The following BORCS5 variants were observed in gnomAD, a reference collection of about 807,000 sequenced individuals.
BORCS5 encodes the protein BLOC-1-related complex subunit 5.
BORCS5 carries 17 observed loss-of-function variants against 22.1 expected under a neutral mutation model. The observed-to-expected ratio is 0.77, with a 90% CI of 0.53 to 1.15. The LOEUF is 1.15. Ranked by LOEUF, BORCS5 falls within the 50% of genes most tolerant of loss-of-function variation. The pLI is 0.00. For synonymous variants in BORCS5, 117 were observed against 99.8 expected (o/e 1.17, Z -1.03); for missense variants, 247 against 253.2 (o/e 0.98, Z 0.17).
Position 12,465,738 on chromosome 12 carries a change from CCCTTCAGCA to C in BORCS5, c.554_562del (p.Pro185_Met188delinsLeu). The stretch of plus-strand genomic sequence containing the variant: ...GCTGCCCGAGGGCGAGCGGCTGGAG[CCCTTCAGCA>C]TGAAGCCCGACCGCGAGCTCAGGCT... On this transcript the variant is annotated inframe_deletion, in exon 4 of 4. Transcript: ENST00000314565. The C allele has an allele frequency of 6.2e-7, 1 of 1,613,968 alleles. No homozygotes were observed. Among genetic ancestry groups the C allele is most frequent in the Non-Finnish European group, 8.5e-7 (1 of 1,180,014 alleles).
At chr12:12,398,866 A>C (rs1165971905) in intron 2 of BORCS5, among the ~76,000 whole-genome samples, 1 of 152,182 alleles carries the variant, frequency 6.6e-6, no homozygotes, top group Non-Finnish European at 1.5e-5. Flanking sequence ...AATTAGTTGG[A>C]GTTATCTGGC....
intron 2 of BORCS5, among the ~76,000 whole-genome samples, chr12:12,429,210 C>T (rs1446959575): frequency 2.6e-5 from 4 of 152,174 alleles, no homozygotes; most frequent in South Asian, 2.1e-4. Flanking sequence ...CAAAATTTAC[C>T]GTCTCTAAAT....
intron 1 of BORCS5, among the ~76,000 whole-genome samples, chr12:12,359,298 C>T (rs1216087092): frequency 1.3e-5 from 2 of 151,542 alleles, no homozygotes; most frequent in Admixed American, 6.6e-5. Context: ...TACTCAGGCC[C>T]AGGTGGGAGG....
chr12:12,408,247 G>A (rs575662640), intron 2 of BORCS5, among the ~76,000 whole-genome samples: 2 of 152,278 alleles, frequency 1.3e-5, no homozygotes, highest in African/African-American at 4.8e-5. Context: ...TGTGAATAAT[G>A]CTGCTGTGAA....
At chr12:12,458,645 C>A (rs1943042524) in intron 3 of BORCS5, among the ~76,000 whole-genome samples, 1 of 144,430 alleles carries the variant, frequency 6.9e-6, no homozygotes, top group Non-Finnish European at 1.5e-5. Context: ...GTGGTGCGAT[C>A]TTGACTCACT....
At chr12:12,434,258 G>A (rs752479928) in intron 2 of BORCS5, among the ~76,000 whole-genome samples, 1 of 142,968 alleles carries the variant, frequency 7.0e-6, no homozygotes, top group Admixed American at 7.2e-5. Flanking sequence ...ACTCCAGATG[G>A]GCAACAGAGC....
At chr12:12,378,221 A>C (rs1400360380) in intron 2 of BORCS5, among the ~76,000 whole-genome samples, 1 of 152,122 alleles carries the variant, frequency 6.6e-6, no homozygotes, top group Non-Finnish European at 1.5e-5. Flanking sequence ...AAAATACAAA[A>C]AGTAGCTAGG....
chr12:12,360,236 C>G (rs1006602753), intron 1 of BORCS5, among the ~76,000 whole-genome samples: 1 of 152,042 alleles, frequency 6.6e-6, no homozygotes, highest in Non-Finnish European at 1.5e-5. Flanking sequence ...GTGGTGCATG[C>G]CTGTTGTCCT....
At chr12:12,378,180 T>C (rs1863696711) in intron 2 of BORCS5, among the ~76,000 whole-genome samples, 1 of 152,206 alleles carries the variant, frequency 6.6e-6, no homozygotes, top group Non-Finnish European at 1.5e-5. Context: ...GAGACCAGCC[T>C]GGCCAGCAGG....
intron 2 of BORCS5, among the ~76,000 whole-genome samples, chr12:12,393,364 G>C (rs1412047643): frequency 6.6e-6 from 1 of 152,020 alleles, no homozygotes; most frequent in Non-Finnish European, 1.5e-5. Context: ...AGTAACCATT[G>C]CCAGGTGCCT....
intron 2 of BORCS5, among the ~76,000 whole-genome samples, chr12:12,410,276 G>A (rs1941697417): frequency 6.6e-6 from 1 of 152,164 alleles, no homozygotes; most frequent in Admixed American, 6.5e-5. Flanking sequence ...ATTGCTTTTG[G>A]TGTTTTTGAC....
rs575951607 is a variant in BORCS5 at position 12,416,120 on chromosome 12, C to A, written c.203-19508C>A. ...TATCTAATTTATTGCTGTACAATTACTCATAGTACCTTGTAAAGTCATTTT... is the reference window on the plus strand; with the variant it reads ...TATCTAATTTATTGCTGTACAATTAATCATAGTACCTTGTAAAGTCATTTT... On this transcript the variant is annotated intron_variant, in intron 2 of 3. Transcript: ENST00000314565. Among the ~76,000 whole-genome samples the A allele has an allele frequency of 1.1e-3, 166 of 152,252 alleles. 1 individual carries two copies. The highest frequency in any genetic ancestry group is 3.4e-3 in the African/African-American group (143 of 41,560).
chr12:12,413,654 G>A lies in BORCS5; in HGVS notation c.203-21974G>A, dbSNP rs1364748440. 4.6e-5 allele frequency among the ~76,000 whole-genome samples: 6 copies of A among 131,760 alleles called. 1 individual carries two copies. Among genetic ancestry groups the A allele is most frequent in the Non-Finnish European group, 8.1e-5 (5 of 61,540 alleles). The allele number at this position is 131,760 out of a possible 152,430, so 86.4% of individuals were successfully genotyped here. On this transcript the variant is annotated intron_variant, in intron 2 of 3. Coordinates refer to ENST00000314565, the MANE Select transcript of BORCS5 (RefSeq NM_058169.6). ...GGGCTCCTCACTTCCCAGTAGGGGC[G>A]GCCGGGCAGAAGCGCCCCTCACCTC...
intron 2 of BORCS5, among the ~76,000 whole-genome samples, chr12:12,386,467 T>TTA (rs398018451): frequency 2.5e-4 from 37 of 150,004 alleles, no homozygotes; most frequent in African/African-American, 9.1e-4. Flanking sequence ...TTTTTTTTTT[T>TTA]ATTTGTTCTA....
At chr12:12,367,184 A>C (rs987516704) in intron 2 of BORCS5, among the ~76,000 whole-genome samples, 1 of 152,252 alleles carries the variant, frequency 6.6e-6, no homozygotes, top group Admixed American at 6.5e-5. Flanking sequence ...GGAAGAATGA[A>C]GCAATGGAAA....
At chr12:12,459,854 T>C (rs1036355425) in intron 3 of BORCS5, among the ~76,000 whole-genome samples, 1 of 152,204 alleles carries the variant, frequency 6.6e-6, no homozygotes, top group Non-Finnish European at 1.5e-5. Flanking sequence ...CAATTAACAA[T>C]ATATTTTTAG....
intron 2 of BORCS5, among the ~76,000 whole-genome samples, chr12:12,372,982 A>G (rs940719799): frequency 5.3e-5 from 8 of 152,066 alleles, no homozygotes; most frequent in African/African-American, 1.9e-4. Flanking sequence ...TTTGATGTCC[A>G]TTCTGCTATG....
chr12:12,371,107 C>G, intron 2 of BORCS5, among the ~76,000 whole-genome samples: 1 of 152,058 alleles, frequency 6.6e-6, no homozygotes, highest in East Asian at 1.9e-4. Flanking sequence ...TTTTCTGGCA[C>G]AATATAATGT....
rs920138447 is a variant in BORCS5, at chr12:12,357,173, C to A, written c.-279C>A. ...GCAGGTGCGGCAAAGCCAGTGTCAT[C>A]TGCCGGTTCTCTTAGGGCTCCCGGA... is the stretch of plus-strand genomic sequence containing the variant. On this transcript the variant is annotated 5_prime_UTR_variant, in exon 1 of 4. It adds an upstream start codon to the 5' untranslated region. Coordinates refer to ENST00000314565, the MANE Select transcript of BORCS5 (RefSeq NM_058169.6). The A allele has an allele frequency of 9.8e-6, 15 of 1,527,492 alleles. No homozygotes were observed. The highest frequency in any genetic ancestry group is 1.3e-5 in the Non-Finnish European group (15 of 1,143,314). The allele number at this position is 1,527,492 out of a possible 1,614,324, so 94.6% of individuals were successfully genotyped here.
Sources: allele counts gnomAD v4.1 joint callset (sites outside exome capture counted in the v4.1 genomes callset), GRCh38; gene constraint gnomAD v4.1.1; transcripts MANE v1.5; gene names NCBI Gene and HGNC (gene_info 2026-07-23, HGNC 2026-07-21).